THSD4: variants seen among roughly 807,000 people sequenced by gnomAD.
THSD4 encodes the protein thrombospondin type 1 domain containing 4, also known as thrombospondin type-1 domain-containing protein 4.
Under a neutral mutation model 119.0 loss-of-function variants are expected in THSD4, and 69 were observed. The observed-to-expected ratio is 0.58, with a 90% CI of 0.48 to 0.71. The LOEUF (loss-of-function observed/expected upper bound fraction) is 0.71. Ranked by LOEUF, THSD4 falls within the 30% of genes least tolerant of loss-of-function variation. THSD4 has a pLI of 0.00. For missense variants in THSD4, 1,393 were observed against 1,391.1 expected, an observed-to-expected ratio of 1.00 and a Z score of -0.02; for synonymous variants, 524 against 540.4, an observed-to-expected ratio of 0.97 and a Z score of 0.42.
chr15:71,204,902 A>G (rs575273939), intron 3 of THSD4, among the ~76,000 whole-genome samples: 1 of 152,270 alleles, frequency 6.6e-6, no homozygotes, highest in African/African-American at 2.4e-5. Flanking sequence ...TTCAAAATGC[A>G]GGAAATTTGA....
chr15:71,336,038 G>A (rs558969285), intron 6 of THSD4, among the ~76,000 whole-genome samples: 1 of 152,250 alleles, frequency 6.6e-6, no homozygotes, highest in South Asian at 2.1e-4. Context: ...AGATCACCTC[G>A]GTGGATGGCC....
chr15:71,574,315 T>C (rs1268928314), intron 7 of THSD4, among the ~76,000 whole-genome samples: 1 of 152,242 alleles, frequency 6.6e-6, no homozygotes, highest in Non-Finnish European at 1.5e-5. Flanking sequence ...CTGGTAGATA[T>C]TATTGTCATC....
chr15:71,719,130 C>T (rs986447480), intron 8 of THSD4, among the ~76,000 whole-genome samples: 2 of 152,192 alleles, frequency 1.3e-5, no homozygotes, highest in African/African-American at 2.4e-5. Flanking sequence ...AACCTTCTAA[C>T]ATTTAAAGAA....
intron 1 of THSD4, among the ~76,000 whole-genome samples, chr15:71,098,872 A>C (rs1596199761): frequency 6.6e-6 from 1 of 152,216 alleles, no homozygotes; most frequent in East Asian, 1.9e-4. Flanking sequence ...TATATTTCCC[A>C]GGCAGAAAAT....
chr15:71,315,657 C>A (rs551847500), intron 6 of THSD4, among the ~76,000 whole-genome samples: 1 of 152,270 alleles, frequency 6.6e-6, no homozygotes, highest in South Asian at 2.1e-4. Flanking sequence ...GAGGTGGCGG[C>A]GGGGAGGCTT....
chr15:71,544,725 A>T (rs2048811689), intron 7 of THSD4, among the ~76,000 whole-genome samples: 1 of 152,258 alleles, frequency 6.6e-6, no homozygotes, highest in Non-Finnish European at 1.5e-5. Flanking sequence ...TAGAAGCATT[A>T]TGCGTAACAG....
At chr15:71,487,228 A>G (rs189419526) in intron 7 of THSD4, among the ~76,000 whole-genome samples, 1 of 152,280 alleles carries the variant, frequency 6.6e-6, no homozygotes, top group East Asian at 1.9e-4. Context: ...ATTTGTGTAC[A>G]TGTGTATTCT....
intron 14 of THSD4, among the ~76,000 whole-genome samples, chr15:71,751,233 C>T (rs1049128585): frequency 1.2e-4 from 19 of 152,142 alleles, no homozygotes; most frequent in African/African-American, 4.3e-4. Context: ...GATGGATTTC[C>T]TGTATCAGCA....
chr15:71,513,531 T>C (rs971524787), intron 7 of THSD4, among the ~76,000 whole-genome samples: 5 of 152,118 alleles, frequency 3.3e-5, no homozygotes, highest in Admixed American at 1.3e-4. Context: ...ATCAGGAAAA[T>C]GCAAACGAAA....
intron 7 of THSD4, among the ~76,000 whole-genome samples, chr15:71,564,786 CATATAATACAATATATATTGT>C (rs2049200745): frequency 2.7e-5 from 1 of 36,500 alleles, no homozygotes. Flanking sequence ...TATATTATAA[CATATAATACAATATATATTGT>C]ATATTATAAC....
chr15:71,322,873 G>T lies in THSD4; in HGVS notation c.1015+66158G>T, dbSNP rs376646947. On this transcript the variant is annotated intron_variant, in intron 6 of 17. Transcript: ENST00000261862. Reference sequence around the variant, plus strand: ...AGCACCTAAAAGGCTTAGGTGGGGGGATCACTTGAGCCCAGGAGTTCAAGA... The same window carrying T: ...AGCACCTAAAAGGCTTAGGTGGGGGTATCACTTGAGCCCAGGAGTTCAAGA... 1.1e-4 allele frequency among the ~76,000 whole-genome samples: 16 copies of T among 152,198 alleles called. No homozygotes were observed. The East Asian group carries it at 1.9e-3, about 18-fold the overall frequency.
At chr15:71,466,187 A>G (rs1236360298) in intron 7 of THSD4, among the ~76,000 whole-genome samples, 1 of 151,840 alleles carries the variant, frequency 6.6e-6, no homozygotes, top group Non-Finnish European at 1.5e-5. Context: ...GTCTCTACTA[A>G]AAATACAAAA....
chr15:71,535,228 T>C (rs11072295), intron 7 of THSD4, among the ~76,000 whole-genome samples: 119,015 of 152,188 alleles, frequency 0.78, 46,769 homozygotes, highest in East Asian at 0.95. Context: ...TGGAATCATT[T>C]AACGAATGGT....
At chr15:71,261,230 CAG>C (rs376659084) in intron 6 of THSD4, among the ~76,000 whole-genome samples, 11 of 152,060 alleles carry the variant, frequency 7.2e-5, no homozygotes, top group African/African-American at 2.7e-4. Flanking sequence ...AAGACACAGA[CAG>C]GGGGAAGACA....
At chr15:71,326,700 A>ATATATATATATAT (rs869113340) in intron 6 of THSD4, among the ~76,000 whole-genome samples, 1 of 6,450 alleles carries the variant, frequency 1.6e-4, no homozygotes, top group African/African-American at 3.4e-4. Context: ...AAAAAAAAAA[A>ATATATATATATAT]ATATATATAT....
rs760431789 is a variant in THSD4 at position 71,738,001 on chromosome 15, G to A, written c.1900G>A (p.Gly634Arg). 6.2e-7 allele frequency: 1 copy of A among 1,613,348 alleles called. No homozygotes were observed. The highest frequency in any genetic ancestry group is 2.2e-5 in the East Asian group (1 of 44,856). The part of the protein sequence containing the change: ...LGTTECSTTC[G>R]KGSQYPIFRC... ...GACAACAGAATGTTCCACGACCTGT[G>A]GGAAAGGTGAGCCTGTGTGGGGGAC... The change falls in exon 11 of 18, where the codon GGG (glycine) becomes AGG (arginine). Residue 634 changes from glycine to arginine, a missense_variant. Coordinates refer to ENST00000261862, the MANE Select transcript of THSD4 (RefSeq NM_024817.3).
At chr15:71,215,619 G>C (rs8025534) in intron 4 of THSD4, among the ~76,000 whole-genome samples, 24,328 of 152,222 alleles carry the variant, frequency 0.16, 2,124 homozygotes, top group Middle Eastern at 0.27. Context: ...TCACTCTGTG[G>C]TTCTGAATAA....
In THSD4 at chr15:71,781,765, C is replaced by T. The variant is rs934770454; in HGVS notation, c.*4391C>T. ...CATCACTGGAGGTGGAAGCAGAGGC[C>T]GTTTGCCAGGGATGCTGGAGAGGGG... On this transcript the variant is annotated 3_prime_UTR_variant, in exon 18 of 18. Transcript: ENST00000261862. 7 of 152,282 alleles carry T rather than the reference C, an allele frequency of 4.6e-5. No individual in the cohort carries two copies. Among genetic ancestry groups the T allele is most frequent in the Non-Finnish European group, 8.8e-5 (6 of 68,158 alleles). The allele number at this position is 152,282 out of a possible 1,614,324, so 9.4% of individuals were successfully genotyped here.
At chr15:71,183,363 A>C (rs902837555) in intron 3 of THSD4, 6 of 151,742 alleles carry the variant, frequency 4.0e-5, no homozygotes. Flanking sequence ...TGAGATTTGG[A>C]TGGGGACACA....
Sources: gnomAD v4.1 joint callset for allele counts (sites outside exome capture counted in the v4.1 genomes callset) on GRCh38, gnomAD v4.1.1 for gene constraint, MANE v1.5 for transcripts, NCBI Gene and HGNC (gene_info 2026-07-23, HGNC 2026-07-21) for gene names.